The following GLI3 variants were observed in gnomAD, a reference collection of about 807,000 sequenced individuals.
GLI3 encodes transcription activator GLI3.
GLI3 carries 20 observed loss-of-function variants against 100.8 expected under a neutral mutation model. The ratio of observed to expected loss-of-function variants is 0.20; its 90% CI spans 0.14 to 0.29. The LOEUF (loss-of-function observed/expected upper bound fraction) is 0.29. Among genes scored for constraint, GLI3 ranks in the 10% least tolerant of loss-of-function variants. GLI3 has a pLI of 1.00. For missense variants in GLI3, 2,040 were observed against 2,128.5 expected, an observed-to-expected ratio of 0.96 and a Z score of 0.82; for synonymous variants, 938 against 860.5, an observed-to-expected ratio of 1.09 and a Z score of -1.58.
At chr7:42,088,226 C>T (rs1247183678) in intron 3 of GLI3, among the ~76,000 whole-genome samples, 2 of 152,162 alleles carry the variant, frequency 1.3e-5, no homozygotes, top group Non-Finnish European at 2.9e-5. Context: ...TGAAGGAGTC[C>T]GAAATACCTT....
At chr7:42,093,211 C>A (rs1401911880) in intron 3 of GLI3, among the ~76,000 whole-genome samples, 5 of 151,918 alleles carry the variant, frequency 3.3e-5, no homozygotes, top group Admixed American at 3.3e-4. Flanking sequence ...GAAACCCCGT[C>A]TCTACTAAAA....
chr7:42,248,975 C>T (rs895128802), intron 1 of GLI3, among the ~76,000 whole-genome samples: 10 of 151,970 alleles, frequency 6.6e-5, no homozygotes, highest in African/African-American at 2.4e-4. Context: ...GTCCTGGGCT[C>T]AAGAGACCCA....
At chr7:42,079,395 T>C (rs1190986752) in intron 3 of GLI3, among the ~76,000 whole-genome samples, 1 of 152,198 alleles carries the variant, frequency 6.6e-6, no homozygotes. Context: ...TGTTTACTGA[T>C]TTTAAACTTT....
At chr7:42,130,604 A>G (rs1424711300) in intron 3 of GLI3, among the ~76,000 whole-genome samples, 1 of 152,196 alleles carries the variant, frequency 6.6e-6, no homozygotes, top group Non-Finnish European at 1.5e-5. Flanking sequence ...GACATACAGG[A>G]TATCAGAGAA....
At chr7:42,130,286 G>A (rs1786242696) in intron 3 of GLI3, among the ~76,000 whole-genome samples, 1 of 152,080 alleles carries the variant, frequency 6.6e-6, no homozygotes, top group African/African-American at 2.4e-5. Context: ...ACAACATTAG[G>A]CCAGCTATCC....
chr7:42,021,165 A>G (rs536820266), intron 10 of GLI3, among the ~76,000 whole-genome samples: 1 of 152,364 alleles, frequency 6.6e-6, no homozygotes, highest in African/African-American at 2.4e-5. Flanking sequence ...AATAAGTGAC[A>G]TAAACTAGTA....
In GLI3 at chr7:42,157,546, C is replaced by T. The variant is rs559719518; in HGVS notation, c.125-9078G>A. Among the ~76,000 whole-genome samples the T allele has an allele frequency of 8.6e-5, 13 of 151,838 alleles. No homozygotes were observed. The South Asian group carries it at 1.2e-3, about 15-fold the overall frequency. On this transcript the variant is annotated intron_variant, in intron 2 of 14. Transcript: ENST00000395925. ...TTGTTTAAGGATTCGAATTTTTGGACGAAAGGAAGTGGGAGGAAGAGAAAT... is the reference window on the plus strand; with the variant it reads ...TTGTTTAAGGATTCGAATTTTTGGATGAAAGGAAGTGGGAGGAAGAGAAAT...
At chr7:42,046,871 C>T (rs934430825) in intron 5 of GLI3, among the ~76,000 whole-genome samples, 12 of 152,214 alleles carry the variant, frequency 7.9e-5, no homozygotes, top group African/African-American at 2.9e-4. Flanking sequence ...AAATGTGAAT[C>T]TTGGCCAGGC....
At chr7:42,177,879 G>A (rs2128680059) in intron 2 of GLI3, among the ~76,000 whole-genome samples, 1 of 152,282 alleles carries the variant, frequency 6.6e-6, no homozygotes, top group South Asian at 2.1e-4. Context: ...GATGTCTGGA[G>A]AGGCTTTGCT....
At chr7:42,115,830 G>C (rs1346301883) in intron 3 of GLI3, among the ~76,000 whole-genome samples, 1 of 152,168 alleles carries the variant, frequency 6.6e-6, no homozygotes, top group Non-Finnish European at 1.5e-5. Flanking sequence ...AGTTGGCATA[G>C]AGATTTTTAT....
chr7:42,072,910 A>G (rs1784811458), intron 4 of GLI3, among the ~76,000 whole-genome samples: 1 of 152,188 alleles, frequency 6.6e-6, no homozygotes, highest in South Asian at 2.1e-4. Context: ...GATTTGAGAG[A>G]GAGGGAGAGA....
At chr7:42,233,988 G>A (rs188933752) in intron 1 of GLI3, among the ~76,000 whole-genome samples, 5 of 152,206 alleles carry the variant, frequency 3.3e-5, no homozygotes, top group South Asian at 4.1e-4. Flanking sequence ...AAATCAGACC[G>A]ACCTCAGAAT....
chr7:41,999,494 G>A (rs1277330060), intron 10 of GLI3, among the ~76,000 whole-genome samples: 1 of 152,132 alleles, frequency 6.6e-6, no homozygotes, highest in African/African-American at 2.4e-5. Flanking sequence ...CCACAAGTAC[G>A]TCAAAGTCAT....
intron 14 of GLI3, among the ~76,000 whole-genome samples, chr7:41,967,265 T>C (rs1314196571): frequency 6.6e-6 from 1 of 152,228 alleles, no homozygotes; most frequent in African/African-American, 2.4e-5. Context: ...GCTAACCTCG[T>C]GGTTTTAAAT....
intron 3 of GLI3, among the ~76,000 whole-genome samples, chr7:42,085,779 C>T (rs1157614651): frequency 1.3e-5 from 2 of 152,130 alleles, no homozygotes; most frequent in African/African-American, 4.8e-5. Flanking sequence ...CAGAGATTGT[C>T]GGGGCTCAGG....
At chr7:42,153,586 G>A (rs573367735) in intron 2 of GLI3, among the ~76,000 whole-genome samples, 5 of 151,920 alleles carry the variant, frequency 3.3e-5, no homozygotes, top group African/African-American at 4.8e-5. Context: ...AAATGTTAAG[G>A]GGGGGTGGGG....
chr7:42,150,114 T>C (rs1427215189), intron 2 of GLI3: 1 of 152,218 alleles, frequency 6.6e-6, no homozygotes, highest in East Asian at 1.9e-4. Flanking sequence ...TGTGAAATAT[T>C]ATTTTAATAA....
chr7:42,000,235 T>C lies in GLI3; in HGVS notation c.1498-21487A>G, dbSNP rs992955433. ...AATTAAGGGTAGTTGATTTGTAGAG[T>C]AGAGTGAGAATTAGGCAGATCCAGG... is the stretch of plus-strand genomic sequence containing the variant. On this transcript the variant is annotated intron_variant, in intron 10 of 14. Coordinates refer to ENST00000395925, the MANE Select transcript of GLI3 (RefSeq NM_000168.6). Among the ~76,000 whole-genome samples the C allele has an allele frequency of 2.6e-5, 4 of 152,254 alleles. 1 individual carries two copies. The South Asian group carries it at 8.3e-4, about 32-fold the overall frequency.
In GLI3 at chr7:42,023,625, G is replaced by C. The variant is rs190600888; in HGVS notation, c.1357-17C>G. 3,885 of 1,595,964 alleles carry C rather than the reference G, an allele frequency of 2.4e-3. 17 individuals are homozygous for C. The highest frequency in any genetic ancestry group is 2.3e-3 in the Non-Finnish European group (2,731 of 1,163,596). ...GGGCTGTTCCTGAAAGAAGAGGGTG[G>C]GGGGCAGGGAACAGAGAAGGGGGAA... On this transcript the variant is annotated splice_polypyrimidine_tract_variant and intron_variant, in intron 9 of 14. Coordinates refer to ENST00000395925, the MANE Select transcript of GLI3 (RefSeq NM_000168.6).
Sources: gnomAD v4.1 joint callset for allele counts (sites outside exome capture counted in the v4.1 genomes callset) on GRCh38, gnomAD v4.1.1 for gene constraint, MANE v1.5 for transcripts, NCBI Gene and HGNC (gene_info 2026-07-23, HGNC 2026-07-21) for gene names.